RHBDL3: variants seen among roughly 807,000 people sequenced by gnomAD.
RHBDL3 encodes rhomboid like 3, also known as rhomboid-related protein 3.
A neutral mutation model predicts 48.2 loss-of-function variants in RHBDL3; 28 were observed. The observed-to-expected ratio is 0.58, with a 90% CI of 0.43 to 0.80. RHBDL3 has a LOEUF of 0.80. RHBDL3 is among the 30% of genes least tolerant of loss of function. The pLI, the probability that RHBDL3 is intolerant of heterozygous loss-of-function variation, is 0.00. For missense variants in RHBDL3, 464 were observed against 542.7 expected, an observed-to-expected ratio of 0.85 and a Z score of 1.44; for synonymous variants, 208 against 232.3, an observed-to-expected ratio of 0.90 and a Z score of 0.95.
chr17:32,293,479 G>A (rs2040379778), intron 4 of RHBDL3, among the ~76,000 whole-genome samples: 1 of 151,946 alleles, frequency 6.6e-6, no homozygotes, highest in Admixed American at 6.6e-5. Flanking sequence ...ATACTTGGGA[G>A]GCTGAGGTAG....
intron 2 of RHBDL3, among the ~76,000 whole-genome samples, chr17:32,281,749 G>A (rs542263364): frequency 2.0e-5 from 3 of 152,272 alleles, no homozygotes; most frequent in South Asian, 2.1e-4. Flanking sequence ...GTTGCTGTCC[G>A]GGGCTGTTTC....
At position 32,306,295 on chromosome 17, in the gene RHBDL3, G is replaced by A. The variant is rs912791908; in HGVS notation, c.882+854G>A. 1.3e-4 allele frequency among the ~76,000 whole-genome samples: 20 copies of A among 152,036 alleles called. 1 individual carries two copies. Among genetic ancestry groups the A allele is most frequent in the East Asian group, 9.7e-4 (5 of 5,158 alleles). ...CAAAATTAGCTGGGCGTGGTGGCACGCTCCTGTAGTCCCAGCTACTTGGGA... is the reference window on the plus strand; with the variant it reads ...CAAAATTAGCTGGGCGTGGTGGCACACTCCTGTAGTCCCAGCTACTTGGGA... On this transcript the variant is annotated intron_variant, in intron 7 of 8. Transcript: ENST00000269051.
At chr17:32,274,055 A>G (rs932316367) in intron 2 of RHBDL3, among the ~76,000 whole-genome samples, 1 of 152,198 alleles carries the variant, frequency 6.6e-6, no homozygotes, top group African/African-American at 2.4e-5. Flanking sequence ...TCTTGAATCG[A>G]AGTGTTCAGA....
chr17:32,279,534 C>T (rs1410195463), intron 2 of RHBDL3, among the ~76,000 whole-genome samples: 1 of 152,190 alleles, frequency 6.6e-6, no homozygotes, highest in Admixed American at 6.5e-5. Flanking sequence ...ACAGCACAGA[C>T]CCAAATGACC....
chr17:32,267,449 T>C (rs924765547), intron 1 of RHBDL3, among the ~76,000 whole-genome samples: 2 of 144,840 alleles, frequency 1.4e-5, no homozygotes, highest in African/African-American at 5.4e-5. Flanking sequence ...AGGGGGGGGC[T>C]CTAGCTCCCA....
At position 32,321,089 on chromosome 17, in the gene RHBDL3, A is replaced by T. The variant is rs1349192114; in HGVS notation, c.1075A>T (p.Arg359Trp). 6.2e-7 allele frequency: 1 copy of T among 1,614,206 alleles called. No homozygotes were observed. Among genetic ancestry groups the T allele is most frequent in the Non-Finnish European group, 8.5e-7 (1 of 1,180,020 alleles). ...CATCACCCTGGGCGTGGTGGTCCTG[A>T]GGAACTACGAGCAGAGGCTCCAGGA... ...VGITLGVVVLRNYEQRLQDQS... is the reference protein window; with the variant it reads ...VGITLGVVVLWNYEQRLQDQS... The change falls in exon 9 of 9, where the codon AGG becomes TGG. Residue 359 changes from arginine to tryptophan, a missense_variant. Transcript: ENST00000269051.
chr17:32,272,756 A>G (rs1283528478), intron 2 of RHBDL3, among the ~76,000 whole-genome samples: 3 of 152,174 alleles, frequency 2.0e-5, no homozygotes, highest in African/African-American at 7.2e-5. Flanking sequence ...CCGAGGTTGA[A>G]CTTCGCCTGG....
intron 2 of RHBDL3, among the ~76,000 whole-genome samples, chr17:32,271,280 C>G (rs921739091): frequency 6.6e-6 from 1 of 152,072 alleles, no homozygotes; most frequent in Admixed American, 6.6e-5. Flanking sequence ...ATTAAGTAAG[C>G]CTTCTTTATT....
chr17:32,291,438 T>C (rs2040326195), intron 4 of RHBDL3, among the ~76,000 whole-genome samples: 1 of 151,964 alleles, frequency 6.6e-6, no homozygotes, highest in South Asian at 2.1e-4. Flanking sequence ...TTCCAGCACC[T>C]TGGGAGGCCG....
In RHBDL3 at chr17:32,270,340, A is replaced by G. The variant is rs955023919; in HGVS notation, c.135+2415A>G. Among the ~76,000 whole-genome samples the G allele has an allele frequency of 1.3e-4, 20 of 151,640 alleles. No homozygotes were observed. In the East Asian group the frequency reaches 2.7e-3, roughly 21 times the overall value. On this transcript the variant is annotated intron_variant, in intron 2 of 8. Coordinates refer to ENST00000269051, the MANE Select transcript of RHBDL3 (RefSeq NM_138328.3). Reference sequence around the variant, plus strand: ...TCAAGCAGACACCAGTGGTAGCCCAATTTCAAACTGGGATCTGCTAGGGTC... The same window carrying G: ...TCAAGCAGACACCAGTGGTAGCCCAGTTTCAAACTGGGATCTGCTAGGGTC...
At chr17:32,276,445 G>A (rs572457154) in intron 2 of RHBDL3, among the ~76,000 whole-genome samples, 1 of 152,332 alleles carries the variant, frequency 6.6e-6, no homozygotes, top group South Asian at 2.1e-4. Context: ...TTACGGGGCT[G>A]TAAATATCCA....
chr17:32,266,086 G>A lies in RHBDL3; in HGVS notation c.-104G>A. On this transcript the variant is annotated 5_prime_UTR_variant, in exon 1 of 9. Transcript: ENST00000269051. Reference sequence around the variant, plus strand: ...GGAGCGGGCGCGGAGGCGGCGCGGCGCGCACTGAGCCCCTGGAGCGGCGCG... The same window carrying A: ...GGAGCGGGCGCGGAGGCGGCGCGGCACGCACTGAGCCCCTGGAGCGGCGCG... The A allele has an allele frequency of 4.8e-6, 1 of 206,276 alleles. No homozygotes were observed. The highest frequency in any genetic ancestry group is 8.3e-6 in the Non-Finnish European group (1 of 119,970). The allele number at this position is 206,276 out of a possible 1,614,324, so 12.8% of individuals were successfully genotyped here. A position where few individuals can be genotyped will look rare whatever the true frequency, so the allele number is the denominator to read the frequency against.
chr17:32,295,101 GTCTTC>G (rs1178630068), intron 5 of RHBDL3, among the ~76,000 whole-genome samples: 2 of 152,172 alleles, frequency 1.3e-5, no homozygotes, highest in Non-Finnish European at 1.5e-5. Context: ...CCTCTGTGGT[GTCTTC>G]TCTTCTGTAG....
At chr17:32,296,002 G>A (rs551544822) in intron 5 of RHBDL3, among the ~76,000 whole-genome samples, 17 of 152,190 alleles carry the variant, frequency 1.1e-4, no homozygotes, top group Admixed American at 9.2e-4. Flanking sequence ...CAAGGCAGGC[G>A]GATCACGAGG....
intron 6 of RHBDL3, among the ~76,000 whole-genome samples, chr17:32,301,405 C>CA (rs796579866): frequency 0.052 from 6,317 of 121,436 alleles, 187 homozygotes; most frequent in African/African-American, 0.11. Flanking sequence ...CCATCTCTAC[C>CA]AAAAAAAAAA....
Position 32,320,961 on chromosome 17 carries a change from G to A in RHBDL3, c.947G>A (p.Ser316Asn). 6.2e-7 allele frequency: 1 copy of A among 1,611,102 alleles called. No homozygotes were observed. Among genetic ancestry groups the A allele is most frequent in the Non-Finnish European group, 8.5e-7 (1 of 1,178,758 alleles). ...TCTCTGCTTCCTCCCCTTGCAGTGA[G>A]CATGGAGTTTGGGCGGGCCGTGTGG... The part of the protein sequence containing the change: ...LRMAVALICM[S>N]MEFGRAVWLR... The change falls in exon 9 of 9, where the codon AGC becomes AAC. Residue 316 changes from serine to asparagine, a missense_variant. Coordinates refer to ENST00000269051, the MANE Select transcript of RHBDL3 (RefSeq NM_138328.3).
intron 7 of RHBDL3, among the ~76,000 whole-genome samples, chr17:32,310,905 G>A (rs1038961220): frequency 1.2e-4 from 8 of 68,508 alleles, no homozygotes; most frequent in Admixed American, 3.9e-4. Flanking sequence ...AAAAAAAAAG[G>A]TTTACTTTAT....
At chr17:32,279,335 G>C (rs1441558231) in intron 2 of RHBDL3, among the ~76,000 whole-genome samples, 2 of 152,140 alleles carry the variant, frequency 1.3e-5, no homozygotes, top group African/African-American at 4.8e-5. Flanking sequence ...GCTCCGAATG[G>C]AGCTGCCCTG....
At chr17:32,298,507 T>A (rs2040508146) in intron 6 of RHBDL3, among the ~76,000 whole-genome samples, 1 of 152,132 alleles carries the variant, frequency 6.6e-6, no homozygotes, top group Non-Finnish European at 1.5e-5. Flanking sequence ...CTTGGGGAAA[T>A]TTCCTAACCT....
Sources: allele counts gnomAD v4.1 joint callset (sites outside exome capture counted in the v4.1 genomes callset), GRCh38; gene constraint gnomAD v4.1.1; transcripts MANE v1.5; gene names NCBI Gene and HGNC (gene_info 2026-07-23, HGNC 2026-07-21).